CUX1: variants seen among roughly 807,000 people sequenced by gnomAD.
CUX1 encodes cut like homeobox 1.
CUX1 carries 31 observed loss-of-function variants against 158.8 expected under a neutral mutation model. The observed-to-expected ratio is 0.20, with a 90% CI of 0.15 to 0.26. The LOEUF (loss-of-function observed/expected upper bound fraction) is 0.26, where lower values mean the gene tolerates loss of function less well. CUX1 is among the 10% of genes least tolerant of loss of function. The pLI is 1.00. For synonymous variants in CUX1, 879 were observed against 862.1 expected, an observed-to-expected ratio of 1.02 and a Z score of -0.34; for missense variants, 1,589 against 2,014.6, an observed-to-expected ratio of 0.79 and a Z score of 4.04.
Position 101,817,817 on chromosome 7 carries a change from G to A in CUX1, c.30+148G>A. 2 of 935,808 alleles carry A rather than the reference G, an allele frequency of 2.1e-6. No individual in the cohort carries two copies. The highest frequency in any genetic ancestry group is 3.1e-6 in the Non-Finnish European group (2 of 652,396). 58.0% of individuals were successfully genotyped at this position (935,808 alleles called of 1,614,324 possible). On this transcript the variant is annotated intron_variant, in intron 1 of 23. Coordinates refer to ENST00000292535, the MANE Select transcript of CUX1 (RefSeq NM_181552.4). This position sits in a 1 kb window ranked among gnomAD's most constrained non-coding sequence, Gnocchi z 4.1. ...TAGGAGGGTTCCTCAGGGCCCCTGG[G>A]GAACTGCAGCTACTCCCAACTGCTA...
chr7:101,940,164 C>T (rs1000788664), intron 2 of CUX1, among the ~76,000 whole-genome samples: 3 of 150,476 alleles, frequency 2.0e-5, no homozygotes, highest in Non-Finnish European at 4.4e-5. Context: ...TGCTTGAGCC[C>T]GGGAGGTTGA....
intron 2 of CUX1, among the ~76,000 whole-genome samples, chr7:101,926,139 G>A (rs1407442614): frequency 6.6e-6 from 1 of 152,056 alleles, no homozygotes; most frequent in East Asian, 1.9e-4. Flanking sequence ...TCTACTCCAG[G>A]ATTTGGCAAA....
At chr7:101,831,481 G>A (rs139606707) in intron 1 of CUX1, among the ~76,000 whole-genome samples, 77 of 152,092 alleles carry the variant, frequency 5.1e-4, no homozygotes, top group South Asian at 3.9e-3. Flanking sequence ...TAGTAGAGGC[G>A]GGGTTTTGCC....
At chr7:102,101,523 C>T (rs782019863) in intron 5 of CUX1, among the ~76,000 whole-genome samples, 24 of 152,178 alleles carry the variant, frequency 1.6e-4, no homozygotes, top group Middle Eastern at 3.2e-3. Flanking sequence ...AGCACACTGT[C>T]GAGGTCACAC....
intron 1 of CUX1, among the ~76,000 whole-genome samples, chr7:101,909,443 A>G (rs1034423650): frequency 6.6e-6 from 1 of 152,170 alleles, no homozygotes; most frequent in African/African-American, 2.4e-5. Flanking sequence ...GCTTAGGCCC[A>G]CCACCCCTTT....
chr7:102,124,535 C>T (rs552492371), intron 8 of CUX1, among the ~76,000 whole-genome samples: 6 of 152,270 alleles, frequency 3.9e-5, no homozygotes, highest in South Asian at 2.1e-4. Flanking sequence ...GCAACAACAA[C>T]GTGGATTCAT....
intron 23 of CUX1, among the ~76,000 whole-genome samples, chr7:102,245,461 A>G (rs747029197): frequency 3.3e-5 from 5 of 152,204 alleles, no homozygotes; most frequent in Non-Finnish European, 7.3e-5. Flanking sequence ...GCTCATGAGC[A>G]TGGAAACACA....
intron 2 of CUX1, among the ~76,000 whole-genome samples, chr7:101,974,681 CA>C (rs1812420873): frequency 6.6e-6 from 1 of 152,104 alleles, no homozygotes; most frequent in African/African-American, 2.4e-5. Context: ...AGAGCGCAGC[CA>C]GGGGTGATAT....
intron 20 of CUX1, among the ~76,000 whole-genome samples, chr7:102,217,361 C>A (rs1343655040): frequency 1.3e-5 from 2 of 152,248 alleles, no homozygotes; most frequent in African/African-American, 4.8e-5. Flanking sequence ...CACTCCGAAT[C>A]CCCGGCAGGT....
chr7:102,051,064 C>T (rs1005304086), intron 3 of CUX1, among the ~76,000 whole-genome samples: 2 of 152,142 alleles, frequency 1.3e-5, no homozygotes, highest in Non-Finnish European at 2.9e-5. Flanking sequence ...CCACCCCGGG[C>T]GTGGTCCCTT....
At chr7:101,877,548 A>C (rs1311310155) in intron 1 of CUX1, among the ~76,000 whole-genome samples, 2 of 152,132 alleles carry the variant, frequency 1.3e-5, no homozygotes, top group Non-Finnish European at 2.9e-5. Context: ...TTAGCTGGGC[A>C]TGGTGGCGGG....
chr7:101,842,937 A>T (rs1795322328), intron 1 of CUX1, among the ~76,000 whole-genome samples: 1 of 138,974 alleles, frequency 7.2e-6, no homozygotes, highest in East Asian at 2.1e-4. Flanking sequence ...CAGTGGCGCG[A>T]TCTCGGCTCA....
intron 8 of CUX1, among the ~76,000 whole-genome samples, chr7:102,140,380 G>C (rs1443796870): frequency 6.6e-6 from 1 of 152,082 alleles, no homozygotes; most frequent in East Asian, 1.9e-4. Flanking sequence ...CAAGTAGCTG[G>C]AACTACAGGT....
At chr7:101,891,500 T>C (rs10271171) in intron 1 of CUX1, among the ~76,000 whole-genome samples, 32,929 of 152,196 alleles carry the variant, frequency 0.22, 5,320 homozygotes, top group East Asian at 0.84. Flanking sequence ...GCTAGGATTA[T>C]AGGCATAAGC....
intron 14 of CUX1, among the ~76,000 whole-genome samples, chr7:102,265,641 C>T (rs1554544903): frequency 6.6e-6 from 1 of 152,110 alleles, no homozygotes; most frequent in Non-Finnish European, 1.5e-5. Flanking sequence ...CTATGTTGCC[C>T]AGGCTGGTCT....
Position 101,870,144 on chromosome 7 carries a change from G to GTT in CUX1, c.31-45964_31-45963dup, listed in dbSNP as rs112866816. Among the ~76,000 whole-genome samples the GTT allele has an allele frequency of 4.7e-3, 518 of 111,128 alleles. 23 individuals carry two copies. Among genetic ancestry groups the GTT allele is most frequent in the African/African-American group, 0.014 (371 of 26,840 alleles). The allele number at this position is 111,128 out of a possible 152,430, so 72.9% of individuals were successfully genotyped here. On this transcript the variant is annotated intron_variant, in intron 1 of 23. Coordinates refer to ENST00000292535, the MANE Select transcript of CUX1 (RefSeq NM_181552.4). ...GGCCATGCAGGCCCTGATGTTTAGT[G>GTT]TTTTTTTTGTTTTTTTTTTTTTTTT...
intron 1 of CUX1, among the ~76,000 whole-genome samples, chr7:101,890,105 G>A (rs555494617): frequency 1.3e-5 from 2 of 152,190 alleles, no homozygotes; most frequent in Non-Finnish European, 2.9e-5. Context: ...GAGGGTGCGA[G>A]GAAAAACACT....
intron 21 of CUX1, 61 bp from the exon 22 acceptor site, chr7:102,233,991 T>C: frequency 1.5e-6 from 2 of 1,332,794 alleles, no homozygotes; most frequent in Non-Finnish European, 2.0e-6. Context: ...GACACGTACT[T>C]GTCCCTTCAG....
At chr7:101,838,528 G>A (rs1301605818) in intron 1 of CUX1, among the ~76,000 whole-genome samples, 16 of 151,682 alleles carry the variant, frequency 1.1e-4, no homozygotes, top group Admixed American at 8.5e-4. Flanking sequence ...AGGGCCAGGC[G>A]CGGTAGCTCA....
Sources: allele counts gnomAD v4.1 joint callset (sites outside exome capture counted in the v4.1 genomes callset), GRCh38; gene constraint gnomAD v4.1.1; non-coding constraint Gnocchi (gnomAD v3.1); transcripts MANE v1.5; gene names NCBI Gene and HGNC (gene_info 2026-07-23, HGNC 2026-07-21).